The following FAM221A variants were observed in gnomAD, a reference collection of about 807,000 sequenced individuals.
FAM221A encodes family with sequence similarity 221 member A, also known as protein FAM221A.
A neutral mutation model predicts 37.6 loss-of-function variants in FAM221A; 43 were observed. The observed-to-expected ratio is 1.15, with a 90% confidence interval of 0.90 to 1.48. The LOEUF (loss-of-function observed/expected upper bound fraction) is 1.48, where lower values mean the gene tolerates loss of function less well. FAM221A is among the 40% of genes most tolerant of loss of function. The pLI, the probability that FAM221A is intolerant of heterozygous loss-of-function variation, is 0.00. For missense variants in FAM221A, 361 were observed against 361.5 expected (o/e 1.00, Z 0.01); for synonymous variants, 135 against 132.9 (o/e 1.02, Z -0.11).
chr7:23,685,650 G>A (rs61528860), intron 2 of FAM221A, among the ~76,000 whole-genome samples: 2,498 of 152,206 alleles, frequency 0.016, 62 homozygotes, highest in African/African-American at 0.057. Flanking sequence ...CTGCTGTGTC[G>A]ATACCTTTCT....
intron 4 of FAM221A, chr7:23,692,838 G>A (rs1784830623): frequency 1.4e-6 from 1 of 736,188 alleles, no homozygotes; most frequent in Non-Finnish European, 1.7e-6. Context: ...AAAATTATTT[G>A]TATTTATTGT....
intron 4 of FAM221A, among the ~76,000 whole-genome samples, chr7:23,695,077 C>G (rs955050971): frequency 1.3e-5 from 2 of 152,144 alleles, no homozygotes; most frequent in African/African-American, 4.8e-5. Context: ...TTAAGCAGTC[C>G]TCCCACCCAA....
At chr7:23,698,743 A>G (rs932810772) in intron 5 of FAM221A, among the ~76,000 whole-genome samples, 2 of 152,246 alleles carry the variant, frequency 1.3e-5, no homozygotes, top group Non-Finnish European at 2.9e-5. Context: ...TACTGAAAAC[A>G]GGAAGAATGA....
intron 1 of FAM221A, among the ~76,000 whole-genome samples, chr7:23,683,195 T>TG (rs148634616): frequency 6.6e-6 from 1 of 152,368 alleles, no homozygotes; most frequent in East Asian, 1.9e-4. Context: ...TCTTCAGTTT[T>TG]GGAAAAACTT....
intron 1 of FAM221A, 144 bp from the exon 2 acceptor site, chr7:23,684,355 G>A (rs1784239676): frequency 2.3e-6 from 1 of 440,632 alleles, no homozygotes. Context: ...TTGTTACAGA[G>A]ACCCGGCCTG....
chr7:23,693,374 T>G (rs2128045063), intron 4 of FAM221A: 1 of 152,320 alleles, frequency 6.6e-6, no homozygotes, highest in Non-Finnish European at 1.5e-5. Context: ...TATTGTTGTT[T>G]CAATTTGATT....
intron 5 of FAM221A, among the ~76,000 whole-genome samples, chr7:23,700,304 T>A (rs894645075): frequency 6.6e-6 from 1 of 152,206 alleles, no homozygotes; most frequent in African/African-American, 2.4e-5. Context: ...TTTCAAAAGT[T>A]CCTTTCAGCA....
intron 3 of FAM221A, among the ~76,000 whole-genome samples, chr7:23,690,195 ATATATTT>A (rs1396008722): frequency 2.6e-5 from 1 of 38,704 alleles, no homozygotes; most frequent in Non-Finnish European, 5.4e-5. Context: ...ATATATATAT[ATATATTT>A]TTTTTTTTTT....
In FAM221A at chr7:23,700,784, A is replaced by G. The variant is rs138016346; in HGVS notation, c.746-2A>G. On this transcript the variant is annotated splice_acceptor_variant, in intron 5 of 6. Coordinates refer to ENST00000344962, the MANE Select transcript of FAM221A (RefSeq NM_199136.5). LOFTEE classifies it high-confidence loss of function. ...ATTACTTAGATTTTTTTTCCTTGTT[A>G]GTAGGTACAAGTAGTCAAGTTTCTT... 56 of 1,570,642 alleles carry G rather than the reference A, an allele frequency of 3.6e-5. No homozygotes were observed. In the African/African-American group the frequency reaches 6.2e-4, roughly 17 times the overall value.
chr7:23,686,348 C>T (rs769657806), intron 2 of FAM221A: 7 of 412,228 alleles, frequency 1.7e-5, no homozygotes, highest in Middle Eastern at 7.8e-4. Flanking sequence ...ATTGCAGCCT[C>T]GACCTCCTGG....
chr7:23,701,336 T>G, intron 6 of FAM221A, among the ~76,000 whole-genome samples: 2 of 148,228 alleles, frequency 1.3e-5, no homozygotes. Context: ...GCCTCCCGGG[T>G]TCACGCCATT....
chr7:23,695,606 C>G (rs367576532), intron 4 of FAM221A, among the ~76,000 whole-genome samples: 1 of 152,304 alleles, frequency 6.6e-6, no homozygotes, highest in East Asian at 1.9e-4. Flanking sequence ...CTCCTGACCT[C>G]AGGTGATCTG....
chr7:23,701,238 C>CTTTTTTT (rs1386533372), intron 6 of FAM221A, among the ~76,000 whole-genome samples: 1 of 52,222 alleles, frequency 1.9e-5, no homozygotes, highest in Non-Finnish European at 4.7e-5. Flanking sequence ...TTTGAATTCT[C>CTTTTTTT]TTTTTTTTTT....
At chr7:23,690,287 C>T (rs1483931585) in intron 3 of FAM221A, among the ~76,000 whole-genome samples, 4 of 149,264 alleles carry the variant, frequency 2.7e-5, no homozygotes, top group Admixed American at 1.3e-4. Flanking sequence ...TCACTGCAGC[C>T]TCTGCCTCCA....
intron 4 of FAM221A, chr7:23,692,646 C>G: frequency 1.0e-6 from 1 of 984,304 alleles, no homozygotes; most frequent in South Asian, 4.7e-5. Flanking sequence ...CAGGCCCATA[C>G]GAGTATATAT....
At chr7:23,689,497 T>A (rs1465071173) in intron 3 of FAM221A, 38 bp downstream of exon 3, 9 of 1,409,514 alleles carry the variant, frequency 6.4e-6, no homozygotes, top group Non-Finnish European at 8.6e-6. Context: ...ACTCAGAATG[T>A]TTATATGTCT....
chr7:23,684,532 T>C lies in FAM221A; in HGVS notation c.99T>C (p.Phe33=), dbSNP rs1784252582. ...GTGAGGATGATGGAGGGAAACTTTT[T>C]ACTCCTGAAGAATATGAAGAATACA... ...IVGEDDGGKL[F]TPEEYEEYKR... Residue 33 remains phenylalanine (F), a synonymous_variant, in exon 2 of 7, where the codon TTT becomes TTC. Transcript: ENST00000344962. 1 of 1,610,926 alleles carries C rather than the reference T, an allele frequency of 6.2e-7. No homozygotes were observed. Among genetic ancestry groups the C allele is most frequent in the South Asian group, 1.1e-5 (1 of 89,922 alleles).
At position 23,690,191 on chromosome 7, in the gene FAM221A, A is replaced by AT. The variant is rs1584265897; in HGVS notation, c.430+733dup. Among the ~76,000 whole-genome samples, 3 of 55,326 alleles carry AT rather than the reference A, an allele frequency of 5.4e-5. No individual in the cohort carries two copies. The East Asian group carries it at 1.7e-3, about 31-fold the overall frequency. 36.3% of individuals were successfully genotyped at this position (55,326 alleles called of 152,430 possible). A position where few individuals can be genotyped will look rare whatever the true frequency, so the allele number is the denominator to read the frequency against. ...GGTTCATATATATATATATATATATATATATATATTTTTTTTTTTTTTAAT... is the reference window on the plus strand; with the variant it reads ...GGTTCATATATATATATATATATATATTATATATATTTTTTTTTTTTTTAAT... On this transcript the variant is annotated intron_variant, in intron 3 of 6. Coordinates refer to ENST00000344962, the MANE Select transcript of FAM221A (RefSeq NM_199136.5).
chr7:23,689,308 G>A lies in FAM221A; in HGVS notation c.279G>A (p.Gln93=). 3 of 1,577,618 alleles carry A rather than the reference G, an allele frequency of 1.9e-6. No homozygotes were observed. Among genetic ancestry groups the A allele is most frequent in the South Asian group, 1.1e-5 (1 of 88,592 alleles). The change falls in exon 3 of 7, where the codon CAG becomes CAA. Residue 93 remains glutamine (Q), a synonymous_variant. Transcript: ENST00000344962. Reference sequence around the variant, plus strand: ...AAACTGACTTGGAAGCGATTCCTCAGCAGTGCCCCATTGATCTGCCCTGCC... The same window carrying A: ...AAACTGACTTGGAAGCGATTCCTCAACAGTGCCCCATTGATCTGCCCTGCC... ...QHKTDLEAIP[Q]QCPIDLPCQV...
Sources: allele counts gnomAD v4.1 joint callset (sites outside exome capture counted in the v4.1 genomes callset), GRCh38; gene constraint gnomAD v4.1.1; transcripts MANE v1.5; gene names NCBI Gene and HGNC (gene_info 2026-07-23, HGNC 2026-07-21).